Variants in LIMS2 observed in about 807,000 individuals in gnomAD.
LIMS2 encodes LIM and senescent cell antigen-like-containing domain protein 2.
A neutral mutation model predicts 45.3 loss-of-function variants in LIMS2; 30 were observed. That is an observed-to-expected ratio of 0.66 (90% CI 0.50 to 0.90). LIMS2 has a LOEUF of 0.90. Among genes scored for constraint, LIMS2 ranks in the 40% least tolerant of loss-of-function variants. LIMS2 has a pLI of 0.00. For missense variants in LIMS2, 485 were observed against 468.7 expected, an observed-to-expected ratio of 1.03 and a Z score of -0.32; for synonymous variants, 173 against 188.0, an observed-to-expected ratio of 0.92 and a Z score of 0.65.
intron 2 of LIMS2, chr2:127,656,019 A>G (rs1573814343): frequency 6.6e-6 from 1 of 152,270 alleles, no homozygotes; most frequent in African/African-American, 2.4e-5. Context: ...CCAACATGAC[A>G]TCGATGTGGA....
chr2:127,641,126 A>G, intron 6 of LIMS2, 138 bp from the exon 7 acceptor site: 1 of 640,626 alleles, frequency 1.6e-6, no homozygotes, highest in Non-Finnish European at 2.8e-6. Context: ...GGCAGCAGTG[A>G]CAGAAGGGGA....
chr2:127,661,792 C>A (rs1470059874), intron 1 of LIMS2, among the ~76,000 whole-genome samples: 1 of 152,156 alleles, frequency 6.6e-6, no homozygotes. Context: ...CTGTTCCAGG[C>A]CTTTGTATAA....
At chr2:127,661,517 A>G (rs1684657837) in intron 1 of LIMS2, among the ~76,000 whole-genome samples, 1 of 152,250 alleles carries the variant, frequency 6.6e-6, no homozygotes, top group South Asian at 2.1e-4. Flanking sequence ...TCCTTTGCAC[A>G]TTCCTTCAAG....
At chr2:127,649,063 G>A (rs1188456458) in intron 4 of LIMS2, among the ~76,000 whole-genome samples, 2 of 122,670 alleles carry the variant, frequency 1.6e-5, no homozygotes, top group African/African-American at 5.9e-5. Context: ...AAGAAAGGAA[G>A]GAAGGAAGGA....
intron 1 of LIMS2, among the ~76,000 whole-genome samples, chr2:127,662,967 C>G (rs77620500): frequency 0.046 from 7,035 of 152,218 alleles, 233 homozygotes; most frequent in African/African-American, 0.074. Context: ...TAAGCAGGTA[C>G]AACTGAAACA....
intron 1 of LIMS2, among the ~76,000 whole-genome samples, chr2:127,680,862 A>T (rs1232150819): frequency 6.6e-6 from 1 of 152,024 alleles, no homozygotes; most frequent in Non-Finnish European, 1.5e-5. Flanking sequence ...CATATCCAGG[A>T]ATGCCACATT....
intron 4 of LIMS2, among the ~76,000 whole-genome samples, chr2:127,644,675 A>G (rs1030578672): frequency 6.6e-6 from 1 of 152,230 alleles, no homozygotes; most frequent in African/African-American, 2.4e-5. Context: ...AATCAGCTCA[A>G]CGCCTCAAAA....
chr2:127,646,768 C>CA (rs1346323469), intron 4 of LIMS2: 1 of 152,564 alleles, frequency 6.6e-6, no homozygotes. Flanking sequence ...CTCTTACGGA[C>CA]ACCGGCTCGG....
intron 1 of LIMS2, among the ~76,000 whole-genome samples, chr2:127,658,187 G>C (rs11895474): frequency 6.6e-6 from 1 of 152,180 alleles, no homozygotes; most frequent in Non-Finnish European, 1.5e-5. Context: ...CCAGGAGTTC[G>C]AGACCAGCCT....
intron 4 of LIMS2, chr2:127,650,176 A>T: frequency 8.8e-7 from 1 of 1,140,278 alleles, no homozygotes; most frequent in South Asian, 1.4e-5. Flanking sequence ...GGTCAGGGGA[A>T]GCAGAAAGCG....
At chr2:127,678,546 C>T (rs72846212), upstream of LIMS2, among the ~76,000 whole-genome samples, 2,200 of 152,156 alleles carry the variant, frequency 0.014, 26 homozygotes, top group Middle Eastern at 0.082. The surrounding 1 kb of genome is among the most constrained non-coding windows in gnomAD (Gnocchi z 5.3). Flanking sequence ...TGCCTTGGGC[C>T]GTGCGACAGT....
At chr2:127,658,310 G>A (rs1684393633) in intron 1 of LIMS2, among the ~76,000 whole-genome samples, 1 of 152,218 alleles carries the variant, frequency 6.6e-6, no homozygotes, top group African/African-American at 2.4e-5. Context: ...GAAGTGGGAG[G>A]ATGGCTTGAG....
At position 127,638,877 on chromosome 2, in the gene LIMS2, G is replaced by T. The variant is rs556710607; in HGVS notation, c.*404C>A. The T allele has an allele frequency of 5.2e-4, 98 of 187,826 alleles. 1 individual carries two copies. The South Asian group carries it at 9.4e-3, about 18-fold the overall frequency. The allele number at this position is 187,826 out of a possible 1,614,324, so 11.6% of individuals were successfully genotyped here. Reference sequence around the variant, plus strand: ...GCTGTGGGTAGCCCAGGAGCCACATGCGCTTAGTGGGGCCGCTCTGGGGCA... The same window carrying T: ...GCTGTGGGTAGCCCAGGAGCCACATTCGCTTAGTGGGGCCGCTCTGGGGCA... On this transcript the variant is annotated 3_prime_UTR_variant, in exon 10 of 10. Coordinates refer to ENST00000355119, the MANE Select transcript of LIMS2 (RefSeq NM_001161403.3).
At chr2:127,679,670 G>A (rs140455159), upstream of LIMS2, among the ~76,000 whole-genome samples, 805 of 152,210 alleles carry the variant, frequency 5.3e-3, 7 homozygotes, top group African/African-American at 0.019. The surrounding 1 kb of genome is among the most constrained non-coding windows in gnomAD (Gnocchi z 5.3). Context: ...AGGGCCCAAC[G>A]CTCGTGGGAG....
chr2:127,649,951 C>G, intron 4 of LIMS2: 1 of 1,412,820 alleles, frequency 7.1e-7, no homozygotes, highest in East Asian at 2.4e-5. Context: ...GAAAATACTC[C>G]CAGCTGGCCT....
intron 9 of LIMS2, among the ~76,000 whole-genome samples, chr2:127,639,717 C>T (rs1682210502): frequency 6.6e-6 from 1 of 152,216 alleles, no homozygotes; most frequent in Non-Finnish European, 1.5e-5. Context: ...CAGCTCCAGC[C>T]ATCCCACACC....
intron 4 of LIMS2, chr2:127,645,938 AG>A (rs1682920885): frequency 6.6e-6 from 1 of 152,404 alleles, no homozygotes; most frequent in South Asian, 2.1e-4. Context: ...TCTCTGAGAC[AG>A]TCACACACTC....
chr2:127,649,756 C>T (rs1252168762), intron 4 of LIMS2, among the ~76,000 whole-genome samples: 1 of 152,238 alleles, frequency 6.6e-6, no homozygotes, highest in Non-Finnish European at 1.5e-5. Context: ...TGACTTGTTA[C>T]CCAGGACTGT....
intron 1 of LIMS2, among the ~76,000 whole-genome samples, chr2:127,661,294 G>A (rs1243685862): frequency 1.3e-5 from 2 of 152,206 alleles, no homozygotes; most frequent in South Asian, 2.1e-4. Context: ...CAGCCACATC[G>A]AGGAGCCAAA....
Sources: gnomAD v4.1 joint callset for allele counts (sites outside exome capture counted in the v4.1 genomes callset) on GRCh38, gnomAD v4.1.1 for gene constraint, Gnocchi (gnomAD v3.1) non-coding constraint, MANE v1.5 for transcripts, NCBI Gene and HGNC (gene_info 2026-07-23, HGNC 2026-07-21) for gene names.